The following PIK3C3 variants were observed in gnomAD, a reference collection of about 807,000 sequenced individuals.
PIK3C3 encodes the protein PI3-kinase type 3.
Under a neutral mutation model 126.1 loss-of-function variants are expected in PIK3C3, and 95 were observed. That is an observed-to-expected ratio of 0.75 (90% CI 0.64 to 0.89). PIK3C3 has a LOEUF of 0.89. PIK3C3 is among the 40% of genes least tolerant of loss of function. PIK3C3 has a pLI of 0.00. For synonymous variants in PIK3C3, 374 were observed against 360.0 expected (o/e 1.04, Z -0.44); for missense variants, 829 against 1,063.2 (o/e 0.78, Z 3.06).
At chr18:41,970,273 C>A (rs990086076) in intron 3 of PIK3C3, 54 bp from the exon 4 acceptor site, 1 of 1,495,660 alleles carries the variant, frequency 6.7e-7, no homozygotes, top group Non-Finnish European at 9.2e-7. Flanking sequence ...CTAAAATTTC[C>A]TGTAATGAAC....
chr18:41,996,104 T>C, intron 8 of PIK3C3, 110 bp downstream of exon 8: 1 of 715,304 alleles, frequency 1.4e-6, no homozygotes, highest in Non-Finnish European at 2.5e-6. Flanking sequence ...TTTCTCCAGG[T>C]TGATGAATCC....
In PIK3C3 at chr18:42,081,280, G is replaced by A. The variant is rs1304142267; in HGVS notation, c.*143G>A. Reference sequence around the variant, plus strand: ...TACCATATTTTCCAAATATTACATGGTACCTGAGTTCTGCTTCCTTGGATG... The same window carrying A: ...TACCATATTTTCCAAATATTACATGATACCTGAGTTCTGCTTCCTTGGATG... On this transcript the variant is annotated 3_prime_UTR_variant, in exon 25 of 25. Coordinates refer to ENST00000262039, the MANE Select transcript of PIK3C3 (RefSeq NM_002647.4). 1.7e-5 allele frequency: 9 copies of A among 536,304 alleles called. No individual in the cohort carries two copies. The highest frequency in any genetic ancestry group is 3.0e-5 in the Non-Finnish European group (9 of 298,050). 33.2% of individuals were successfully genotyped at this position (536,304 alleles called of 1,614,324 possible). A position where few individuals can be genotyped will look rare whatever the true frequency, so the allele number is the denominator to read the frequency against.
chr18:41,995,363 TCTTGTTTTAGGC>T (rs1981977089), intron 7 of PIK3C3, among the ~76,000 whole-genome samples: 1 of 152,142 alleles, frequency 6.6e-6, no homozygotes, highest in Non-Finnish European at 1.5e-5. Flanking sequence ...TAAATTTATA[TCTTGTTTTAGGC>T]AATGACAGTA....
intron 4 of PIK3C3, among the ~76,000 whole-genome samples, chr18:41,975,604 T>C (rs1201521687): frequency 6.6e-6 from 1 of 152,182 alleles, no homozygotes; most frequent in Non-Finnish European, 1.5e-5. Flanking sequence ...ATGTAAGTAG[T>C]CTTCATGATA....
At chr18:42,040,315 T>TA (rs1399538669) in intron 18 of PIK3C3, among the ~76,000 whole-genome samples, 1 of 152,054 alleles carries the variant, frequency 6.6e-6, no homozygotes, top group Non-Finnish European at 1.5e-5. Flanking sequence ...CTAGATTTCT[T>TA]ACGGTGATTT....
In PIK3C3 at chr18:42,004,302, T is replaced by C. The variant is rs914359642; in HGVS notation, c.985-54T>C. The C allele has an allele frequency of 2.1e-6, 3 of 1,421,160 alleles. No homozygotes were observed. In the African/African-American group the frequency reaches 4.3e-5, roughly 20 times the overall value. 88.0% of individuals were successfully genotyped at this position (1,421,160 alleles called of 1,614,324 possible). On this transcript the variant is annotated intron_variant, in intron 9 of 24. Transcript: ENST00000262039. ...CTAGTGGAACTCTGCCTAGTCAACTTCTCTATCCCAGGAAATAGGCTGTTT... is the reference window on the plus strand; with the variant it reads ...CTAGTGGAACTCTGCCTAGTCAACTCCTCTATCCCAGGAAATAGGCTGTTT...
intron 20 of PIK3C3, among the ~76,000 whole-genome samples, chr18:42,046,355 A>G (rs1984558674): frequency 6.6e-6 from 1 of 152,150 alleles, no homozygotes; most frequent in South Asian, 2.1e-4. Context: ...AGTTTTGGTG[A>G]CATCTTTTCC....
chr18:41,967,026 A>G (rs1399138186), intron 3 of PIK3C3, among the ~76,000 whole-genome samples: 3 of 152,158 alleles, frequency 2.0e-5, no homozygotes, highest in East Asian at 1.9e-4. Flanking sequence ...AAGAAACCCT[A>G]TGAAATTAAA....
At chr18:42,017,882 C>T (rs1380950368) in intron 12 of PIK3C3, among the ~76,000 whole-genome samples, 1 of 151,790 alleles carries the variant, frequency 6.6e-6, no homozygotes, top group East Asian at 1.9e-4. Flanking sequence ...TCTAGTTTAA[C>T]ACTCTGTTTT....
intron 10 of PIK3C3, among the ~76,000 whole-genome samples, chr18:42,012,421 AG>A (rs1335935973): frequency 6.6e-6 from 1 of 152,200 alleles, no homozygotes; most frequent in Non-Finnish European, 1.5e-5. Flanking sequence ...AGGAGACTGA[AG>A]TTGAGTTGGT....
At chr18:42,069,555 A>AG (rs1985690563) in intron 24 of PIK3C3, among the ~76,000 whole-genome samples, 1 of 152,002 alleles carries the variant, frequency 6.6e-6, no homozygotes, top group Non-Finnish European at 1.5e-5. Context: ...TGTACACCTT[A>AG]TTTTTTTCTT....
At chr18:42,068,100 C>T (rs1263730268) in intron 24 of PIK3C3, among the ~76,000 whole-genome samples, 1 of 152,226 alleles carries the variant, frequency 6.6e-6, no homozygotes, top group African/African-American at 2.4e-5. Flanking sequence ...TGAACTCCTT[C>T]CTGGTGTTAC....
intron 4 of PIK3C3, among the ~76,000 whole-genome samples, chr18:41,981,682 G>A (rs999340844): frequency 1.4e-4 from 22 of 151,990 alleles, no homozygotes; most frequent in East Asian, 7.7e-4. Flanking sequence ...TAGCTTGGCC[G>A]GGCCTGGTGG....
chr18:42,029,634 C>G (rs1983738859), intron 15 of PIK3C3, among the ~76,000 whole-genome samples, 193 bp downstream of exon 15: 1 of 145,400 alleles, frequency 6.9e-6, no homozygotes, highest in Admixed American at 7.2e-5. Context: ...CCCCCACTTC[C>G]TGGGTTCAAT....
chr18:41,970,007 T>A (rs1335898606), intron 3 of PIK3C3, among the ~76,000 whole-genome samples: 1 of 152,208 alleles, frequency 6.6e-6, no homozygotes, highest in Non-Finnish European at 1.5e-5. Context: ...AGGAATTTGA[T>A]CTCTGTTATT....
intron 16 of PIK3C3, among the ~76,000 whole-genome samples, chr18:42,034,529 C>T (rs1191733086): frequency 6.6e-6 from 1 of 152,110 alleles, no homozygotes; most frequent in Non-Finnish European, 1.5e-5. Flanking sequence ...GATATCTGTT[C>T]CTGTTGAACC....
intron 24 of PIK3C3, among the ~76,000 whole-genome samples, chr18:42,068,500 A>C (rs990697853): frequency 1.3e-5 from 2 of 152,182 alleles, no homozygotes; most frequent in African/African-American, 4.8e-5. Context: ...CCTGTCCTCC[A>C]AGAGCTCTTA....
At chr18:42,032,190 T>C (rs1983859121) in intron 15 of PIK3C3, among the ~76,000 whole-genome samples, 1 of 152,130 alleles carries the variant, frequency 6.6e-6, no homozygotes, top group Admixed American at 6.5e-5. Context: ...GGAATAGCAG[T>C]GCACAGCCCC....
chr18:42,076,123 C>CACATATATATATATATATATATATATAT (rs1568013588), intron 24 of PIK3C3, among the ~76,000 whole-genome samples: 1 of 30,280 alleles, frequency 3.3e-5, no homozygotes, highest in African/African-American at 1.6e-4. Context: ...TATATATATG[C>CACATATATATATATATATATATATATAT]GCATATATAT....
Sources: gnomAD v4.1 joint callset for allele counts (sites outside exome capture counted in the v4.1 genomes callset) on GRCh38, gnomAD v4.1.1 for gene constraint, MANE v1.5 for transcripts, NCBI Gene and HGNC (gene_info 2026-07-23, HGNC 2026-07-21) for gene names.